Variants in CDH17 observed in about 807,000 individuals in gnomAD.
CDH17 encodes the protein cadherin 17, also known as cadherin-17.
A neutral mutation model predicts 86.3 loss-of-function variants in CDH17; 67 were observed. The observed-to-expected ratio is 0.78, with a 90% CI of 0.64 to 0.95. The LOEUF (loss-of-function observed/expected upper bound fraction) is 0.95, where lower values mean the gene tolerates loss of function less well. Among genes scored for constraint, CDH17 ranks in the 40% least tolerant of loss-of-function variants. The pLI, the probability that CDH17 is intolerant of heterozygous loss-of-function variation, is 0.00. For synonymous variants in CDH17, 367 were observed against 366.4 expected (o/e 1.00, Z -0.02); for missense variants, 993 against 1,017.6 (o/e 0.98, Z 0.33).
chr8:94,168,252 A>G (rs1813203656), intron 9 of CDH17, among the ~76,000 whole-genome samples: 1 of 145,096 alleles, frequency 6.9e-6, no homozygotes. Context: ...AAGCCTCTCA[A>G]GTAGGTGAGA....
At chr8:94,181,667 G>A (rs1813489858) in intron 3 of CDH17, among the ~76,000 whole-genome samples, 1 of 151,170 alleles carries the variant, frequency 6.6e-6, no homozygotes, top group African/African-American at 2.4e-5. Flanking sequence ...CACTGTAAAT[G>A]TTCATACTTT....
intron 1 of CDH17, among the ~76,000 whole-genome samples, chr8:94,206,404 G>A (rs1050110128): frequency 6.6e-6 from 1 of 152,112 alleles, no homozygotes; most frequent in African/African-American, 2.4e-5. Flanking sequence ...AGAGATTTCT[G>A]AATCAATGCA....
At chr8:94,147,126 T>C (rs1243975231) in intron 14 of CDH17, among the ~76,000 whole-genome samples, 1 of 152,214 alleles carries the variant, frequency 6.6e-6, no homozygotes, top group African/African-American at 2.4e-5. Context: ...GAGAAACTCT[T>C]GGGACACATC....
chr8:94,150,329 G>A (rs543073465), intron 13 of CDH17, among the ~76,000 whole-genome samples: 4 of 152,326 alleles, frequency 2.6e-5, no homozygotes, highest in Admixed American at 6.5e-5. Flanking sequence ...GACGAATCCA[G>A]AACAGACATG....
intron 1 of CDH17, among the ~76,000 whole-genome samples, chr8:94,199,083 AT>A (rs71510475): frequency 0.017 from 400 of 23,004 alleles, 2 homozygotes; most frequent in South Asian, 0.033. Context: ...ATATATATAT[AT>A]TTTTTTTTTT....
chr8:94,211,034 A>AG (rs1278351755), upstream of CDH17, among the ~76,000 whole-genome samples: 4 of 151,846 alleles, frequency 2.6e-5, no homozygotes, highest in Admixed American at 6.6e-5. Flanking sequence ...AAAAAAAAAA[A>AG]AAAAGAAAAC....
chr8:94,141,816 A>G (rs1474392768), intron 15 of CDH17, among the ~76,000 whole-genome samples: 1 of 152,200 alleles, frequency 6.6e-6, no homozygotes, highest in Non-Finnish European at 1.5e-5. Flanking sequence ...AGTAGATTCA[A>G]TACAATCTCA....
chr8:94,190,465 G>C (rs776299882), intron 2 of CDH17, among the ~76,000 whole-genome samples: 1 of 152,210 alleles, frequency 6.6e-6, no homozygotes, highest in African/African-American at 2.4e-5. Context: ...GGGACAGCCA[G>C]TCATGCAGCC....
chr8:94,181,042 C>A (rs1369468994), intron 3 of CDH17, among the ~76,000 whole-genome samples: 1 of 149,332 alleles, frequency 6.7e-6, no homozygotes, highest in Admixed American at 6.7e-5. Context: ...ATAAAATTAA[C>A]CTATACTACT....
chr8:94,187,637 C>T lies in CDH17; in HGVS notation c.150+1550G>A, dbSNP rs547058130. The stretch of plus-strand genomic sequence containing the variant: ...AGATCCATTGCTTTTGAGAAAAACT[C>T]AAGATCCTTAGGAGTCAGGGTCCTC... On this transcript the variant is annotated intron_variant, in intron 3 of 17. Coordinates refer to ENST00000027335, the MANE Select transcript of CDH17 (RefSeq NM_004063.4). Among the ~76,000 whole-genome samples, 4 of 152,078 alleles carry T rather than the reference C, an allele frequency of 2.6e-5. No individual in the cohort carries two copies. The South Asian group carries it at 8.3e-4, about 32-fold the overall frequency.
At chr8:94,191,447 T>C (rs1227422707) in intron 2 of CDH17, among the ~76,000 whole-genome samples, 1 of 132,908 alleles carries the variant, frequency 7.5e-6, no homozygotes, top group Non-Finnish European at 1.6e-5. Context: ...TGCAAGAAAA[T>C]GCTTTTTTTT....
rs1205698404 is a variant in CDH17, at chr8:94,173,900, G to T, written c.680C>A (p.Thr227Asn). 6.2e-7 allele frequency: 1 copy of T among 1,612,058 alleles called. No homozygotes were observed. The highest frequency in any genetic ancestry group is 1.7e-5 in the Admixed American group (1 of 60,004). The change falls in exon 7 of 18, where the codon ACC (threonine) becomes AAC (asparagine). Residue 227 changes from threonine (T) to asparagine (N), a missense_variant. Coordinates refer to ENST00000027335, the MANE Select transcript of CDH17 (RefSeq NM_004063.4). ...GGQSENSFSD[T>N]TSVDIIVTEN... ...TGTCACTATGATATCCACAGATGTG[G>T]TATCACTGAAGGAATTCTCACTCTG...
At chr8:94,171,190 C>T (rs909332644) in intron 7 of CDH17, among the ~76,000 whole-genome samples, 2 of 152,140 alleles carry the variant, frequency 1.3e-5, no homozygotes, top group African/African-American at 4.8e-5. Flanking sequence ...AAAAAGCACA[C>T]CAGGAAATGT....
intron 5 of CDH17, among the ~76,000 whole-genome samples, chr8:94,174,987 C>G (rs572755297): frequency 3.5e-4 from 53 of 152,154 alleles, no homozygotes; most frequent in African/African-American, 1.3e-3. Flanking sequence ...CAGTGATGTA[C>G]TAGAGACAGC....
At position 94,145,972 on chromosome 8, in the gene CDH17, C is replaced by A; in HGVS notation, c.2123G>T (p.Gly708Val). The change falls in exon 15 of 18, where the codon GGC (glycine) becomes GTC (valine). Residue 708 changes from glycine (G) to valine (V), a missense_variant. Coordinates refer to ENST00000027335, the MANE Select transcript of CDH17 (RefSeq NM_004063.4). ...FRGPHFTFSLGSGSLQNDWEV... is the reference protein window; with the variant it reads ...FRGPHFTFSLVSGSLQNDWEV... ...CCAGTCGTTTTGTAAGCTTCCACTG[C>A]CGAGGGAAAATGTAAAATGGGGACC... 1 of 1,613,606 alleles carries A rather than the reference C, an allele frequency of 6.2e-7. No homozygotes were observed. The highest frequency in any genetic ancestry group is 8.5e-7 in the Non-Finnish European group (1 of 1,179,798).
At chr8:94,213,740 C>G (rs933670878) in intron 1 of CDH17, among the ~76,000 whole-genome samples, 1 of 152,182 alleles carries the variant, frequency 6.6e-6, no homozygotes, top group African/African-American at 2.4e-5. Flanking sequence ...ACAACCTCCT[C>G]ATGATAATCA....
chr8:94,171,921 G>A (rs1813275909), intron 7 of CDH17, among the ~76,000 whole-genome samples: 1 of 151,134 alleles, frequency 6.6e-6, no homozygotes, highest in South Asian at 2.1e-4. Flanking sequence ...TTCTAAAGTG[G>A]GCTCCTCTTG....
chr8:94,175,365 AG>A (rs1813352757), intron 5 of CDH17, among the ~76,000 whole-genome samples: 1 of 152,112 alleles, frequency 6.6e-6, no homozygotes, highest in Admixed American at 6.6e-5. Flanking sequence ...CTTCAGGGAC[AG>A]GGACATCACT....
At position 94,176,641 on chromosome 8, in the gene CDH17, A is replaced by G. The variant is rs757761036; in HGVS notation, c.324T>C (p.Gly108=). 2 of 1,612,554 alleles carry G rather than the reference A, an allele frequency of 1.2e-6. No homozygotes were observed. The highest frequency in any genetic ancestry group is 2.7e-5 in the African/African-American group (2 of 74,954). Residue 108 remains glycine, a synonymous_variant, in exon 5 of 18, where the codon GGT becomes GGC. Coordinates refer to ENST00000027335, the MANE Select transcript of CDH17 (RefSeq NM_004063.4). The part of the protein sequence containing the change: ...ALDANGIIVE[G]PVPITIKVKD... ...TCACTTTTATGGTGATAGGGACTGGACCCTCCACTATAATTCCATTAGCGT... is the reference window on the plus strand; with the variant it reads ...TCACTTTTATGGTGATAGGGACTGGGCCCTCCACTATAATTCCATTAGCGT...
Sources: allele counts gnomAD v4.1 joint callset (sites outside exome capture counted in the v4.1 genomes callset), GRCh38; gene constraint gnomAD v4.1.1; transcripts MANE v1.5; gene names NCBI Gene and HGNC (gene_info 2026-07-23, HGNC 2026-07-21).